LANCL3: variants seen among roughly 807,000 people sequenced by gnomAD.
The protein encoded by LANCL3 is LanC like family member 3.
Under a neutral mutation model 26.5 loss-of-function variants are expected in LANCL3, and 19 were observed. The ratio of observed to expected loss-of-function variants is 0.72; its 90% CI spans 0.50 to 1.05. The LOEUF is 1.05. LANCL3 is among the 50% of genes least tolerant of loss of function. LANCL3 has a pLI of 0.00. For missense variants in LANCL3, 318 were observed against 362.7 expected, an observed-to-expected ratio of 0.88 and a Z score of 1.00; for synonymous variants, 160 against 166.6, an observed-to-expected ratio of 0.96 and a Z score of 0.30.
At position 37,588,109 on chromosome X, in the gene LANCL3, T is replaced by C. The variant is rs782029240; in HGVS notation, c.573+15666T>C. Among the ~76,000 whole-genome samples, 3 of 112,778 alleles carry C rather than the reference T, an allele frequency of 2.7e-5. No individual in the cohort carries two copies. In the South Asian group the frequency reaches 1.1e-3, roughly 41 times the overall value. On this transcript the variant is annotated intron_variant, in intron 1 of 4. Coordinates refer to ENST00000378619, the MANE Select transcript of LANCL3 (RefSeq NM_001170331.2). ...ATTGTTTTAATGGAATTTTATTAAA[T>C]GTATTGGCCTTTGAATGTGAAAATG... is the stretch of plus-strand genomic sequence containing the variant.
chrX:37,651,860 G>A (rs1341117124), intron 1 of LANCL3, among the ~76,000 whole-genome samples: 1 of 109,941 alleles, frequency 9.1e-6, no homozygotes, highest in African/African-American at 3.3e-5. Flanking sequence ...TGTTTGGTCA[G>A]TCTCCTTTCA....
At chrX:37,575,125 C>T (rs1281042029) in intron 1 of LANCL3, among the ~76,000 whole-genome samples, 1 of 107,540 alleles carries the variant, frequency 9.3e-6, no homozygotes, top group African/African-American at 3.5e-5. Context: ...CAGAGTTTCA[C>T]CACGTTGCCT....
At chrX:37,616,772 A>C (rs782095530) in intron 1 of LANCL3, among the ~76,000 whole-genome samples, 28 of 111,673 alleles carry the variant, frequency 2.5e-4, no homozygotes, top group African/African-American at 8.8e-4. Context: ...AATGGTACAC[A>C]GTTTCTTAGA....
intron 1 of LANCL3, among the ~76,000 whole-genome samples, chrX:37,583,974 T>G (rs1556417433): frequency 2.7e-5 from 3 of 111,829 alleles, no homozygotes; most frequent in African/African-American, 9.8e-5. Context: ...TAGCTCTTAT[T>G]ATTTTGAGAT....
intron 4 of LANCL3, among the ~76,000 whole-genome samples, chrX:37,674,993 G>T (rs2146796850): frequency 8.9e-6 from 1 of 112,189 alleles, no homozygotes; most frequent in East Asian, 2.8e-4. Context: ...AATAATATTT[G>T]TGGCAAATAT....
chrX:37,576,623 G>A (rs188027402), intron 1 of LANCL3, among the ~76,000 whole-genome samples: 73 of 111,513 alleles, frequency 6.5e-4, no homozygotes, highest in Non-Finnish European at 1.1e-3. Context: ...GTTTCTACAT[G>A]GTGTGAGGCA....
intron 1 of LANCL3, among the ~76,000 whole-genome samples, chrX:37,575,934 A>G (rs1363189601): frequency 1.8e-5 from 2 of 112,437 alleles, no homozygotes; most frequent in African/African-American, 6.5e-5. Context: ...GATTGTAGAG[A>G]CAGTAATAGT....
chrX:37,627,154 A>T (rs1473167935), intron 1 of LANCL3, among the ~76,000 whole-genome samples: 1 of 111,942 alleles, frequency 8.9e-6, no homozygotes, highest in African/African-American at 3.2e-5. Context: ...TCAAAATGAG[A>T]TTTCTTGTGA....
chrX:37,680,008 A>G lies in LANCL3; in HGVS notation c.*4195A>G, dbSNP rs1180199942. ...GATATGTTTTTCCTGTATCTGCTCT[A>G]TCATGTGACCTCCTTTCGCCTGGGA... On this transcript the variant is annotated 3_prime_UTR_variant, in exon 5 of 5. Coordinates refer to ENST00000378619, the MANE Select transcript of LANCL3 (RefSeq NM_001170331.2). The G allele has an allele frequency of 2.7e-5, 3 of 111,442 alleles. No homozygotes were observed. The highest frequency in any genetic ancestry group is 5.6e-5 in the Non-Finnish European group (3 of 53,131). The allele number at this position is 111,442 out of a possible 1,213,427, so 9.2% of individuals were successfully genotyped here.
chrX:37,675,771 G>A lies in LANCL3; in HGVS notation c.1221G>A (p.Gln407=). The change falls in exon 5 of 5, where the codon CAG becomes CAA. Residue 407 remains glutamine (Q), a synonymous_variant. Transcript: ENST00000378619. Reference sequence around the variant, plus strand: ...TGTGCTTTCTGATTGACCTGCTGCAGCCCAATCAGGCTGAATTCCCACTCT... The same window carrying A: ...TGTGCTTTCTGATTGACCTGCTGCAACCCAATCAGGCTGAATTCCCACTCT... ...GTVCFLIDLL[Q]PNQAEFPLFS... 1 of 1,160,766 alleles carries A rather than the reference G, an allele frequency of 8.6e-7. No individual in the cohort carries two copies. The highest frequency in any genetic ancestry group is 3.3e-5 in the East Asian group (1 of 30,489).
intron 1 of LANCL3, among the ~76,000 whole-genome samples, chrX:37,621,281 A>G (rs1415129831): frequency 9.0e-6 from 1 of 111,436 alleles, no homozygotes; most frequent in Non-Finnish European, 1.9e-5. Flanking sequence ...AGTTTTTCAG[A>G]CTCCACACAG....
At chrX:37,608,609 C>G (rs2146733148) in intron 1 of LANCL3, among the ~76,000 whole-genome samples, 1 of 111,628 alleles carries the variant, frequency 9.0e-6, no homozygotes, top group South Asian at 3.8e-4. Context: ...TCCTATTGCC[C>G]TTGTAATTAT....
intron 1 of LANCL3, among the ~76,000 whole-genome samples, chrX:37,586,813 T>C (rs1465832713): frequency 8.9e-6 from 1 of 112,234 alleles, no homozygotes; most frequent in African/African-American, 3.2e-5. Context: ...AGTCATTCTC[T>C]GTCCAGCTTT....
intron 1 of LANCL3, among the ~76,000 whole-genome samples, chrX:37,637,287 C>T (rs1284910706): frequency 2.7e-5 from 3 of 111,720 alleles, no homozygotes; most frequent in Non-Finnish European, 3.8e-5. Context: ...ACACTATTGC[C>T]GACCAGAGCT....
intron 1 of LANCL3, among the ~76,000 whole-genome samples, chrX:37,627,862 G>A (rs782092548): frequency 8.9e-6 from 1 of 111,774 alleles, no homozygotes; most frequent in South Asian, 3.8e-4. Flanking sequence ...TTGTTGACTG[G>A]TACTTCCTGA....
rs1239743940 is a variant in LANCL3, at chrX:37,676,977, T to C, written c.*1164T>C. On this transcript the variant is annotated 3_prime_UTR_variant, in exon 5 of 5. Coordinates refer to ENST00000378619, the MANE Select transcript of LANCL3 (RefSeq NM_001170331.2). ...TGAAACTGCTTCAAGTAAATAGTGG[T>C]TTGCAGAACACTGTAGGAGCATCTG... 2.7e-5 allele frequency: 3 copies of C among 111,973 alleles called. No individual in the cohort carries two copies. Among genetic ancestry groups the C allele is most frequent in the Non-Finnish European group, 3.8e-5 (2 of 53,140 alleles). 9.2% of individuals were successfully genotyped at this position (111,973 alleles called of 1,213,427 possible). A position where few individuals can be genotyped will look rare whatever the true frequency, so the allele number is the denominator to read the frequency against.
intron 1 of LANCL3, among the ~76,000 whole-genome samples, chrX:37,640,800 T>A (rs893757727): frequency 4.5e-5 from 5 of 111,544 alleles, no homozygotes; most frequent in Admixed American, 9.5e-5. Flanking sequence ...TTGGGTAACT[T>A]CTTACCCTTA....
At chrX:37,629,128 A>T (rs1556423647) in intron 1 of LANCL3, among the ~76,000 whole-genome samples, 1 of 108,297 alleles carries the variant, frequency 9.2e-6, no homozygotes, top group African/African-American at 3.4e-5. Flanking sequence ...TGACTTTTTA[A>T]TGATGGCCAT....
rs147158649 is a variant in LANCL3 at position 37,578,327 on chromosome X, G to A, written c.573+5884G>A. Among the ~76,000 whole-genome samples the A allele has an allele frequency of 6.8e-3, 756 of 111,965 alleles. 6 individuals carry two copies. Among genetic ancestry groups the A allele is most frequent in the African/African-American group, 0.023 (721 of 30,836 alleles). On this transcript the variant is annotated intron_variant, in intron 1 of 4. Coordinates refer to ENST00000378619, the MANE Select transcript of LANCL3 (RefSeq NM_001170331.2). ...TTAACCTTGATCATTGACAGGTACCGACACGAAAAAAGGGAGAAGGAAATG... is the reference window on the plus strand; with the variant it reads ...TTAACCTTGATCATTGACAGGTACCAACACGAAAAAAGGGAGAAGGAAATG...
Sources: allele counts gnomAD v4.1 joint callset (sites outside exome capture counted in the v4.1 genomes callset), GRCh38; gene constraint gnomAD v4.1.1; transcripts MANE v1.5; gene names NCBI Gene and HGNC (gene_info 2026-07-23, HGNC 2026-07-21).